The following SH3PXD2A variants were observed in gnomAD, a reference collection of about 807,000 sequenced individuals.
SH3PXD2A encodes SH3 and PX domain-containing protein 2A.
In SH3PXD2A, 32 loss-of-function variants were observed where a neutral mutation model predicts 115.2. The observed-to-expected ratio is 0.28, with a 90% CI of 0.21 to 0.37. The LOEUF is 0.37. SH3PXD2A is among the 10% of genes least tolerant of loss of function. The pLI is 1.00. For missense variants in SH3PXD2A, 1,328 were observed against 1,498.7 expected (o/e 0.89, Z 1.88); for synonymous variants, 610 against 629.1 (o/e 0.97, Z 0.45).
rs907916733 is a variant in SH3PXD2A, at chr10:103,602,473, C to A, written c.2745G>T (p.Lys915Asn). Residue 915 changes from lysine to asparagine, a missense_variant, in exon 15 of 15, where the codon AAG becomes AAT. Lys to Asn is a moderately conservative substitution (Grantham distance 94). Around this residue, in one of 5 missense-constraint regions of SH3PXD2A, gnomAD observed 574 missense variants for 565.7 expected, o/e 1.01. Coordinates refer to ENST00000369774, the MANE Select transcript of SH3PXD2A (RefSeq NM_001394015.1). The part of the protein sequence containing the change: ...SGKELDTVPA[K>N]GRQNEGKSDS... ...CTGATTTGCCTTCGTTCTGCCTGCC[C>A]TTGGCGGGCACTGTGTCCAGCTCTT... is the stretch of plus-strand genomic sequence containing the variant. The A allele has an allele frequency of 6.2e-7, 1 of 1,614,154 alleles. No individual in the cohort carries two copies.
intron 5 of SH3PXD2A, among the ~76,000 whole-genome samples, chr10:103,714,509 G>A (rs1472204475): frequency 6.6e-6 from 1 of 152,154 alleles, no homozygotes; most frequent in Non-Finnish European, 1.5e-5. Context: ...CCTCCAGCTC[G>A]CCGACCCAGC....
chr10:103,621,287 C>A (rs2036599654), intron 10 of SH3PXD2A, among the ~76,000 whole-genome samples: 1 of 152,214 alleles, frequency 6.6e-6, no homozygotes. Context: ...TGCGTCCCAG[C>A]TTTAGGGTGG....
Position 103,602,346 on chromosome 10 carries a change from C to A in SH3PXD2A, c.2872G>T (p.Gly958Cys), listed in dbSNP as rs142016930. 6.2e-7 allele frequency: 1 copy of A among 1,613,496 alleles called. No homozygotes were observed. The highest frequency in any genetic ancestry group is 1.3e-5 in the African/African-American group (1 of 75,052). Reference sequence around the variant, plus strand: ...ACCGCTGGAGTGCCTGAGGTCTTGCCGAAGCCCCCGGGAGGTTTGGAGGGG... The same window carrying A: ...ACCGCTGGAGTGCCTGAGGTCTTGCAGAAGCCCCCGGGAGGTTTGGAGGGG... ...PIPSKPPGGF[G>C]KTSGTPAVKM... Residue 958 changes from glycine (G) to cysteine (C), a missense_variant, in exon 15 of 15, where the codon GGC (glycine) becomes TGC (cysteine). Gly to Cys is a radical substitution (Grantham distance 159). This residue lies in a region of SH3PXD2A where 574 missense variants were observed against 565.7 expected (regional missense o/e 1.01). Transcript: ENST00000369774.
intron 7 of SH3PXD2A, among the ~76,000 whole-genome samples, chr10:103,662,343 G>GC (rs1281397174): frequency 1.1e-5 from 1 of 90,854 alleles, no homozygotes; most frequent in Non-Finnish European, 2.2e-5. Context: ...ATTATTGGCG[G>GC]GGGGGGGGGC....
intron 8 of SH3PXD2A, among the ~76,000 whole-genome samples, chr10:103,636,254 A>G (rs2036862204): frequency 6.6e-6 from 1 of 151,992 alleles, no homozygotes; most frequent in Non-Finnish European, 1.5e-5. Context: ...TGAAAATACA[A>G]AAAAATTAGC....
At chr10:103,818,872 T>C (rs1041236683) in intron 1 of SH3PXD2A, among the ~76,000 whole-genome samples, 2 of 152,128 alleles carry the variant, frequency 1.3e-5, no homozygotes, top group African/African-American at 2.4e-5. Context: ...CTGAAACCTT[T>C]ACAAGGCACC....
At chr10:103,766,017 T>C (rs975634034) in intron 3 of SH3PXD2A, among the ~76,000 whole-genome samples, 5 of 152,236 alleles carry the variant, frequency 3.3e-5, no homozygotes, top group South Asian at 4.1e-4. Context: ...AGCTATAGCA[T>C]AGGACTCTGA....
intron 5 of SH3PXD2A, among the ~76,000 whole-genome samples, chr10:103,720,138 C>T (rs1415892913): frequency 6.6e-6 from 1 of 152,224 alleles, no homozygotes; most frequent in African/African-American, 2.4e-5. Flanking sequence ...CCACAGATGG[C>T]GCACTCTAGC....
intron 5 of SH3PXD2A, among the ~76,000 whole-genome samples, chr10:103,723,296 C>T (rs2038204382): frequency 6.6e-6 from 1 of 152,192 alleles, no homozygotes; most frequent in Non-Finnish European, 1.5e-5. Context: ...GCTGATTCAT[C>T]AGCATCCCCT....
At chr10:103,820,223 G>A (rs916568201) in intron 1 of SH3PXD2A, among the ~76,000 whole-genome samples, 4 of 152,154 alleles carry the variant, frequency 2.6e-5, no homozygotes, top group African/African-American at 9.7e-5. Flanking sequence ...TGGAGCAACT[G>A]GAATGAGGAA....
chr10:103,616,443 G>C (rs2036519752), intron 11 of SH3PXD2A, among the ~76,000 whole-genome samples: 6 of 152,326 alleles, frequency 3.9e-5, no homozygotes, highest in Admixed American at 3.3e-4. Context: ...TTGAGAGCAG[G>C]GGTCCTGGAA....
rs1390865014 is a variant in SH3PXD2A, at chr10:103,729,574, G to A, written c.307-5213C>T. 2.6e-5 allele frequency among the ~76,000 whole-genome samples: 4 copies of A among 152,334 alleles called. No individual in the cohort carries two copies. The East Asian group carries it at 7.7e-4, about 29-fold the overall frequency. On this transcript the variant is annotated intron_variant, in intron 4 of 14. Coordinates refer to ENST00000369774, the MANE Select transcript of SH3PXD2A (RefSeq NM_001394015.1). ...CCTCAGGTTCTGGGGCAAGTGGGAG[G>A]AAGCATTGCCCTGCGGGGCTGCTGG...
intron 10 of SH3PXD2A, among the ~76,000 whole-genome samples, chr10:103,621,190 G>T (rs1242043649): frequency 6.6e-6 from 1 of 152,164 alleles, no homozygotes; most frequent in East Asian, 1.9e-4. Flanking sequence ...GGGGCTCAGT[G>T]TGCAAGGGTG....
intron 6 of SH3PXD2A, chr10:103,678,148 G>A (rs74154588): frequency 5.4e-4 from 692 of 1,289,090 alleles, no homozygotes; most frequent in African/African-American, 4.0e-3. Context: ...GGAACGACCC[G>A]TTCATGTGTA....
intron 6 of SH3PXD2A, among the ~76,000 whole-genome samples, chr10:103,687,074 G>T (rs1382907641): frequency 6.6e-6 from 1 of 152,124 alleles, no homozygotes; most frequent in East Asian, 1.9e-4. Flanking sequence ...AGTTATTAAA[G>T]ACCATGACCG....
chr10:103,610,119 A>G (rs572410626), intron 13 of SH3PXD2A: 1 of 152,340 alleles, frequency 6.6e-6, no homozygotes, highest in South Asian at 2.1e-4. Flanking sequence ...TCCTAACCCC[A>G]CCAGTTGAAA....
chr10:103,852,781 T>C (rs535720786), intron 1 of SH3PXD2A, among the ~76,000 whole-genome samples: 12 of 152,360 alleles, frequency 7.9e-5, no homozygotes, highest in African/African-American at 2.4e-4. Context: ...GATATGCTTA[T>C]GTTATGTATT....
intron 2 of SH3PXD2A, 53 bp from the exon 3 acceptor site, chr10:103,767,222 C>T (rs1319860840): frequency 2.2e-6 from 3 of 1,383,110 alleles, no homozygotes; most frequent in African/African-American, 2.8e-5. Context: ...GAACATTCCT[C>T]ATCATCCCTT....
chr10:103,615,483 G>GGTGTGTGTGTGTGTGTGTGTGTGTGT (rs57711259), intron 11 of SH3PXD2A, among the ~76,000 whole-genome samples: 19 of 128,598 alleles, frequency 1.5e-4, no homozygotes, highest in East Asian at 4.7e-4. Flanking sequence ...AGAGTGCGAG[G>GGTGTGTGTGTGTGTGTGTGTGTGTGT]GTGTGTGTGT....
Sources: gnomAD v4.1 joint callset for allele counts (sites outside exome capture counted in the v4.1 genomes callset) on GRCh38, gnomAD v4.1.1 for gene constraint, gnomAD v4.1.1 regional missense constraint, MANE v1.5 for transcripts, NCBI Gene and HGNC (gene_info 2026-07-23, HGNC 2026-07-21) for gene names.